CC2D2A: variants seen among roughly 807,000 people sequenced by gnomAD.
CC2D2A encodes the protein coiled-coil and C2 domain containing 2A.
Under a neutral mutation model 212.9 loss-of-function variants are expected in CC2D2A, and 155 were observed. The ratio of observed to expected loss-of-function variants is 0.73; its 90% CI spans 0.64 to 0.83. The LOEUF (loss-of-function observed/expected upper bound fraction) is 0.83. CC2D2A is among the 40% of genes least tolerant of loss of function. The pLI is 0.00. For missense variants in CC2D2A, 1,856 were observed against 1,956.2 expected (o/e 0.95, Z 0.97); for synonymous variants, 667 against 686.5 (o/e 0.97, Z 0.44).
intron 11 of CC2D2A, among the ~76,000 whole-genome samples, chr4:15,518,687 T>A (rs1717021806): frequency 1.3e-5 from 2 of 152,230 alleles, no homozygotes; most frequent in Non-Finnish European, 1.5e-5. Context: ...TTCTCAAACC[T>A]CAGTTCTTGA....
chr4:15,565,398 G>A (rs888755838), intron 24 of CC2D2A, among the ~76,000 whole-genome samples: 1 of 102,594 alleles, frequency 9.7e-6, no homozygotes, highest in Non-Finnish European at 2.3e-5. Context: ...ATCCACATAC[G>A]GTTTTTTTTT....
At chr4:15,567,603 T>A in intron 25 of CC2D2A, 74 bp from the exon 26 acceptor site, 1 of 1,308,452 alleles carries the variant, frequency 7.6e-7, no homozygotes, top group Non-Finnish European at 1.1e-6. Context: ...ACTTAGTAAA[T>A]ATACTCTATT....
chr4:15,582,649 G>T (rs980703525), intron 30 of CC2D2A, among the ~76,000 whole-genome samples: 1 of 152,082 alleles, frequency 6.6e-6, no homozygotes, highest in Non-Finnish European at 1.5e-5. Flanking sequence ...GAATCATGAA[G>T]AAATATACCT....
At position 15,542,769 on chromosome 4, in the gene CC2D2A, G is replaced by A. The variant is rs372293945; in HGVS notation, c.2181+1755G>A. Among the ~76,000 whole-genome samples the A allele has an allele frequency of 1.0e-3, 159 of 152,264 alleles. No individual in the cohort carries two copies. The South Asian group carries it at 0.02, about 19-fold the overall frequency. ...AAGGGGGTGGCTGACCAAGGCCAGC[G>A]CCTCCAGGGTCCTGTTCCCAAGCTG... is the stretch of plus-strand genomic sequence containing the variant. On this transcript the variant is annotated intron_variant, in intron 17 of 36. Coordinates refer to ENST00000424120, the MANE Select transcript of CC2D2A (RefSeq NM_001378615.1).
chr4:15,510,218 G>A lies in CC2D2A; in HGVS notation c.518G>A (p.Arg173Gln), dbSNP rs745699870. Residue 173 changes from arginine (R) to glutamine (Q), a missense_variant, in exon 7 of 37, where the codon CGA becomes CAA. Coordinates refer to ENST00000424120, the MANE Select transcript of CC2D2A (RefSeq NM_001378615.1). ...AGAGTCAAGTTCCATGATTCTGCAC[G>A]AAAAATCAAGCCTAAACCCCAGGTG... ...YSRVKFHDSARKIKPKPQVPP... is the reference protein window; with the variant it reads ...YSRVKFHDSAQKIKPKPQVPP... 41 of 1,610,498 alleles carry A rather than the reference G, an allele frequency of 2.5e-5. No homozygotes were observed. The Admixed American group carries it at 4.4e-4, about 17-fold the overall frequency.
At chr4:15,572,135 ATATT>A (rs1209214124) in intron 28 of CC2D2A, among the ~76,000 whole-genome samples, 4 of 152,296 alleles carry the variant, frequency 2.6e-5, no homozygotes, top group African/African-American at 9.6e-5. Context: ...ATTAATAACA[ATATT>A]TATTAGGTGC....
Position 15,502,462 on chromosome 4 carries a change from G to A in CC2D2A, c.281G>A (p.Gly94Asp). The A allele has an allele frequency of 1.2e-6, 2 of 1,608,588 alleles. No individual in the cohort carries two copies. Among genetic ancestry groups the A allele is most frequent in the Non-Finnish European group, 1.7e-6 (2 of 1,178,448 alleles). The change falls in exon 5 of 37, where the codon GGC (glycine) becomes GAC (aspartate). Residue 94 changes from glycine (G) to aspartate (D), a missense_variant. Physicochemically the swap from Gly to Asp is moderately conservative, Grantham distance 94. Transcript: ENST00000424120. ...LPPIPSTSRT[G>D]FAEFSMRGRM... ...CCAATTCCTTCAACTTCCAGAACAG[G>A]CTTTGCAGAATTTTCCATGAGGGGA...
At chr4:15,533,166 A>C in intron 13 of CC2D2A, 27 bp from the exon 14 acceptor site, 1 of 1,555,534 alleles carries the variant, frequency 6.4e-7, no homozygotes. Flanking sequence ...TTTTTAATAT[A>C]TACTCATGTG....
intron 29 of CC2D2A, 52 bp from the exon 30 acceptor site, chr4:15,579,905 TCTGAACACGTA>T (rs1452519407): frequency 7.5e-7 from 1 of 1,328,770 alleles, no homozygotes; most frequent in African/African-American, 1.4e-5. Context: ...GACTGTGGAA[TCTGAACACGTA>T]CTTTCTCTCT....
chr4:15,506,800 G>A (rs1413132451), intron 6 of CC2D2A, among the ~76,000 whole-genome samples: 2 of 152,086 alleles, frequency 1.3e-5, no homozygotes, highest in Non-Finnish European at 2.9e-5. Context: ...TAGGCCGGGT[G>A]CGGTGGCTCT....
chr4:15,537,352 A>G (rs570140897), intron 15 of CC2D2A, among the ~76,000 whole-genome samples: 1 of 152,362 alleles, frequency 6.6e-6, no homozygotes, highest in East Asian at 1.9e-4. Flanking sequence ...GTAATAATGT[A>G]GTAATCACTA....
At chr4:15,510,102 T>A in intron 6 of CC2D2A, 37 bp from the exon 7 acceptor site, 2 of 1,510,934 alleles carry the variant, frequency 1.3e-6, no homozygotes, top group Non-Finnish European at 1.8e-6. Context: ...TTTCTTGGGT[T>A]AAATGGTTTA....
intron 11 of CC2D2A, among the ~76,000 whole-genome samples, 161 bp downstream of exon 11, chr4:15,516,917 A>G (rs1325359383): frequency 6.6e-6 from 1 of 151,480 alleles, no homozygotes; most frequent in Non-Finnish European, 1.5e-5. Flanking sequence ...TGTAAGAGTA[A>G]GTCTAATTAT....
chr4:15,589,796 TATACACAC>T, intron 33 of CC2D2A, 117 bp downstream of exon 33: 6 of 277,908 alleles, frequency 2.2e-5, no homozygotes, highest in South Asian at 1.8e-4. Flanking sequence ...TATATATATA[TATACACAC>T]ATATATATAT....
chr4:15,536,322 G>A (rs1381039934), intron 14 of CC2D2A, among the ~76,000 whole-genome samples: 1 of 146,512 alleles, frequency 6.8e-6, no homozygotes, highest in Admixed American at 7.0e-5. Flanking sequence ...TGGGAGGGTT[G>A]GGGGAGGGAT....
intron 3 of CC2D2A, among the ~76,000 whole-genome samples, chr4:15,479,961 G>C (rs80002244): frequency 0.011 from 1,667 of 152,276 alleles, 17 homozygotes; most frequent in Non-Finnish European, 0.016. Flanking sequence ...TATAGGTTGG[G>C]AGCATTGCAA....
At chr4:15,539,421 G>A (rs992518434) in intron 16 of CC2D2A, among the ~76,000 whole-genome samples, 5 of 152,126 alleles carry the variant, frequency 3.3e-5, no homozygotes, top group African/African-American at 9.7e-5. Flanking sequence ...ATATCCCAAC[G>A]TGAAAAATGA....
chr4:15,595,605 A>G (rs1337489839), intron 33 of CC2D2A, among the ~76,000 whole-genome samples: 1 of 152,212 alleles, frequency 6.6e-6, no homozygotes, highest in Non-Finnish European at 1.5e-5. Context: ...CAAATAGTAA[A>G]TGTTGGAGCC....
intron 33 of CC2D2A, among the ~76,000 whole-genome samples, 157 bp downstream of exon 33, chr4:15,589,836 G>A (rs1297734198): frequency 6.7e-6 from 1 of 149,632 alleles, no homozygotes; most frequent in African/African-American, 2.5e-5. Context: ...GAAATGCAGT[G>A]TCAAGCACAG....
Sources: gnomAD v4.1 joint callset for allele counts (sites outside exome capture counted in the v4.1 genomes callset) on GRCh38, gnomAD v4.1.1 for gene constraint, MANE v1.5 for transcripts, NCBI Gene and HGNC (gene_info 2026-07-23, HGNC 2026-07-21) for gene names.